ADAMTS6: variants seen among roughly 807,000 people sequenced by gnomAD.
ADAMTS6 encodes the protein A disintegrin and metalloproteinase with thrombospondin motifs 6.
ADAMTS6 carries 23 observed loss-of-function variants against 144.3 expected under a neutral mutation model. The observed-to-expected ratio is 0.16, with a 90% CI of 0.11 to 0.23. The LOEUF is 0.23. Among genes scored for constraint, ADAMTS6 ranks in the 10% least tolerant of loss-of-function variants. The pLI is 1.00. For synonymous variants in ADAMTS6, 444 were observed against 457.5 expected, an observed-to-expected ratio of 0.97 and a Z score of 0.38; for missense variants, 999 against 1,379.6, an observed-to-expected ratio of 0.72 and a Z score of 4.37.
chr5:65,319,837 G>GT (rs1684379725), intron 9 of ADAMTS6, among the ~76,000 whole-genome samples: 1 of 151,746 alleles, frequency 6.6e-6, no homozygotes, highest in African/African-American at 2.4e-5. Flanking sequence ...AAACCAAAAG[G>GT]TTTTTTTGTT....
At chr5:65,238,105 T>C (rs538116203) in intron 15 of ADAMTS6, among the ~76,000 whole-genome samples, 1 of 151,206 alleles carries the variant, frequency 6.6e-6, no homozygotes, top group South Asian at 2.1e-4. Flanking sequence ...AAAATCTTGG[T>C]TTGAGATTGT....
At position 65,263,053 on chromosome 5, in the gene ADAMTS6, A is replaced by G. The variant is rs1424386790; in HGVS notation, c.1621-91T>C. The stretch of plus-strand genomic sequence containing the variant: ...CATAAGGGTCAGGTACTGACCAACT[A>G]TAGGCATTAGCATTCTCCCAATTGA... On this transcript the variant is annotated intron_variant, in intron 12 of 24. Transcript: ENST00000381055. 2.0e-6 allele frequency: 3 copies of G among 1,484,562 alleles called. No individual in the cohort carries two copies. In the African/African-American group the frequency reaches 4.2e-5, roughly 21 times the overall value. 92.0% of individuals were successfully genotyped at this position (1,484,562 alleles called of 1,614,324 possible).
At position 65,373,957 on chromosome 5, in the gene ADAMTS6, C is replaced by T. The variant is rs568933135; in HGVS notation, c.1074-39872G>A. ...TGGGATGCAAGGCTGGTTCAATATA[C>T]GCAAATCAGTACATGTAATCCAGCA... On this transcript the variant is annotated intron_variant, in intron 7 of 24. Coordinates refer to ENST00000381055, the MANE Select transcript of ADAMTS6 (RefSeq NM_197941.4). Among the ~76,000 whole-genome samples, 85 of 152,248 alleles carry T rather than the reference C, an allele frequency of 5.6e-4. 1 individual carries two copies. Among genetic ancestry groups the T allele is most frequent in the South Asian group, 4.4e-3 (21 of 4,818 alleles).
At chr5:65,350,066 G>A (rs149178220) in intron 7 of ADAMTS6, among the ~76,000 whole-genome samples, 1 of 152,092 alleles carries the variant, frequency 6.6e-6, no homozygotes, top group South Asian at 2.1e-4. Context: ...GCTAAAATAC[G>A]TGTTTACTAA....
chr5:65,413,334 T>A (rs1254889826), intron 7 of ADAMTS6, among the ~76,000 whole-genome samples: 1 of 152,174 alleles, frequency 6.6e-6, no homozygotes, highest in Non-Finnish European at 1.5e-5. Context: ...ACATAAGCTG[T>A]CAATCACAGT....
chr5:65,154,045 T>C (rs1752272128), intron 24 of ADAMTS6, among the ~76,000 whole-genome samples: 1 of 151,932 alleles, frequency 6.6e-6, no homozygotes, highest in Non-Finnish European at 1.5e-5. Context: ...GCATTTATAC[T>C]AAAAATACAA....
chr5:65,302,105 AAAAT>A (rs1306757347), intron 9 of ADAMTS6, among the ~76,000 whole-genome samples: 22 of 49,658 alleles, frequency 4.4e-4, no homozygotes, highest in East Asian at 1.1e-3. Flanking sequence ...AAAAAAAAAA[AAAAT>A]ATATATATAT....
At chr5:65,428,155 G>A (rs1756706105) in intron 7 of ADAMTS6, among the ~76,000 whole-genome samples, 1 of 150,666 alleles carries the variant, frequency 6.6e-6, no homozygotes, top group South Asian at 2.1e-4. Flanking sequence ...AAACCTGGGA[G>A]GCAGCAGTTG....
intron 7 of ADAMTS6, among the ~76,000 whole-genome samples, chr5:65,440,964 A>G (rs1259441800): frequency 2.0e-5 from 3 of 152,250 alleles, no homozygotes; most frequent in Non-Finnish European, 4.4e-5. Context: ...AGGTAAAATA[A>G]CACAATGTCA....
intron 7 of ADAMTS6, among the ~76,000 whole-genome samples, chr5:65,442,395 T>C (rs1045327399): frequency 6.6e-6 from 1 of 152,166 alleles, no homozygotes; most frequent in African/African-American, 2.4e-5. Context: ...CAATTTTAAC[T>C]GGTAGTTTAA....
intron 7 of ADAMTS6, among the ~76,000 whole-genome samples, chr5:65,423,593 G>T (rs150729819): frequency 9.3e-5 from 14 of 151,294 alleles, no homozygotes; most frequent in Non-Finnish European, 2.1e-4. Context: ...GCAATTAACA[G>T]CAAAAGCCTG....
At chr5:65,159,741 A>G (rs1752642793) in intron 24 of ADAMTS6, among the ~76,000 whole-genome samples, 1 of 152,236 alleles carries the variant, frequency 6.6e-6, no homozygotes, top group Non-Finnish European at 1.5e-5. Context: ...TATTGCGTTC[A>G]TAGTCTTGGT....
chr5:65,402,184 C>G (rs753194607), intron 7 of ADAMTS6, among the ~76,000 whole-genome samples: 1 of 152,108 alleles, frequency 6.6e-6, no homozygotes, highest in African/African-American at 2.4e-5. Flanking sequence ...CTTTACCTGG[C>G]TTACACTCCA....
chr5:65,373,950 C>A (rs1487982191), intron 7 of ADAMTS6, among the ~76,000 whole-genome samples: 1 of 152,086 alleles, frequency 6.6e-6, no homozygotes, highest in Non-Finnish European at 1.5e-5. Flanking sequence ...AAGGCTGGTT[C>A]AATATACGCA....
intron 7 of ADAMTS6, among the ~76,000 whole-genome samples, chr5:65,344,305 A>C (rs1196008001): frequency 6.6e-6 from 1 of 151,898 alleles, no homozygotes; most frequent in Non-Finnish European, 1.5e-5. Context: ...CTTCTCCTGG[A>C]TAACAAAATA....
At chr5:65,338,950 C>G (rs1022564905) in intron 7 of ADAMTS6, among the ~76,000 whole-genome samples, 1 of 152,194 alleles carries the variant, frequency 6.6e-6, no homozygotes, top group East Asian at 1.9e-4. Flanking sequence ...AGACACATCC[C>G]CATGCCAGCC....
At chr5:65,451,048 C>T (rs1758701185) in intron 7 of ADAMTS6, among the ~76,000 whole-genome samples, 1 of 152,088 alleles carries the variant, frequency 6.6e-6, no homozygotes, top group Admixed American at 6.5e-5. Flanking sequence ...CTCCGCCTCC[C>T]TTTTAATAAA....
At chr5:65,244,835 T>C (rs540192019) in intron 14 of ADAMTS6, among the ~76,000 whole-genome samples, 74 of 152,174 alleles carry the variant, frequency 4.9e-4, no homozygotes, top group Non-Finnish European at 7.8e-4. Flanking sequence ...TTTAGCTTCC[T>C]TAAAATGTAC....
intron 7 of ADAMTS6, among the ~76,000 whole-genome samples, chr5:65,375,366 C>T (rs1400108844): frequency 2.6e-5 from 4 of 151,526 alleles, no homozygotes; most frequent in African/African-American, 9.7e-5. Context: ...ACTCATCTGA[C>T]AAAGGGCTAA....
Sources: gnomAD v4.1 joint callset for allele counts (sites outside exome capture counted in the v4.1 genomes callset) on GRCh38, gnomAD v4.1.1 for gene constraint, MANE v1.5 for transcripts, NCBI Gene and HGNC (gene_info 2026-07-23, HGNC 2026-07-21) for gene names.